Variants in ABR observed in about 807,000 individuals in gnomAD.
The protein encoded by ABR is ABR activator of RhoGEF and GTPase, also known as active breakpoint cluster region-related protein.
A neutral mutation model predicts 107.2 loss-of-function variants in ABR; 35 were observed. The ratio of observed to expected loss-of-function variants is 0.33; its 90% CI spans 0.25 to 0.43. The LOEUF is 0.43. ABR is among the 20% of genes least tolerant of loss of function. ABR has a pLI of 1.00. For synonymous variants in ABR, 498 were observed against 462.0 expected, an observed-to-expected ratio of 1.08 and a Z score of -1.00; for missense variants, 815 against 1,115.2, an observed-to-expected ratio of 0.73 and a Z score of 3.83.
At chr17:1,144,588 C>CG (rs752617426) in intron 1 of ABR, among the ~76,000 whole-genome samples, 1 of 140,926 alleles carries the variant, frequency 7.1e-6, no homozygotes, top group African/African-American at 2.6e-5. Flanking sequence ...GTCAATCAGG[C>CG]AAAAAAAAAA....
At chr17:1,012,981 G>A in intron 17 of ABR, 124 bp downstream of exon 17, 2 of 1,245,152 alleles carry the variant, frequency 1.6e-6, no homozygotes, top group Non-Finnish European at 2.3e-6. Flanking sequence ...GAGGGGGCTG[G>A]GCTGCGGGGA....
chr17:1,193,980 C>CA (rs1462970165), intron 1 of ABR, among the ~76,000 whole-genome samples: 43 of 152,192 alleles, frequency 2.8e-4, no homozygotes, highest in South Asian at 6.2e-4. Flanking sequence ...AGGCGTGAGC[C>CA]CCGCGCCTGG....
rs190121096 is a variant in ABR at position 1,004,940 on chromosome 17, G to A, written c.*1140C>T. On this transcript the variant is annotated 3_prime_UTR_variant, in exon 23 of 23. Coordinates refer to ENST00000302538, the MANE Select transcript of ABR (RefSeq NM_021962.5). ...AGGCAAGAGTACCACGAGGTCCTGC[G>A]GTGCCAGGGAGCTCCTGGCTGCAGC... 2.0e-5 allele frequency: 8 copies of A among 398,578 alleles called. No homozygotes were observed. The South Asian group carries it at 3.9e-4, about 20-fold the overall frequency. The allele number at this position is 398,578 out of a possible 1,614,324, so 24.7% of individuals were successfully genotyped here. A position where few individuals can be genotyped will look rare whatever the true frequency, so the allele number is the denominator to read the frequency against.
rs141037927 is a variant in ABR, at chr17:1,021,469, G to A, written c.1792-8305C>T. Among the ~76,000 whole-genome samples the A allele has an allele frequency of 3.3e-3, 505 of 152,344 alleles. 1 individual carries two copies. Among genetic ancestry groups the A allele is most frequent in the Non-Finnish European group, 5.3e-3 (362 of 68,034 alleles). ...TCTGAGCCCCGGCATCCCAGAATGC[G>A]GGAGGGTTTCCCTCAGAGGGGGTTG... is the stretch of plus-strand genomic sequence containing the variant. On this transcript the variant is annotated intron_variant, in intron 16 of 22. Coordinates refer to ENST00000302538, the MANE Select transcript of ABR (RefSeq NM_021962.5).
chr17:1,064,417 T>C (rs796291246), intron 10 of ABR, among the ~76,000 whole-genome samples: 28 of 69,566 alleles, frequency 4.0e-4, no homozygotes, highest in Admixed American at 4.8e-4. Flanking sequence ...ACTGTTGTTA[T>C]GTGAACTGAG....
intron 16 of ABR, among the ~76,000 whole-genome samples, chr17:1,032,658 G>GCGCAGAGGA (rs1441054545): frequency 3.3e-4 from 49 of 150,046 alleles, no homozygotes; most frequent in Non-Finnish European, 3.4e-4. Flanking sequence ...TCCGTGCTGG[G>GCGCAGAGGA]CGCCTTGAGA....
chr17:1,119,956 G>T (rs75330780), intron 2 of ABR, among the ~76,000 whole-genome samples: 3 of 152,148 alleles, frequency 2.0e-5, no homozygotes, highest in African/African-American at 7.2e-5. Context: ...ATTCGCAGGC[G>T]TGATCCTAGC....
intron 2 of ABR, among the ~76,000 whole-genome samples, chr17:1,109,346 C>T (rs865958384): frequency 1.3e-4 from 19 of 151,910 alleles, no homozygotes; most frequent in African/African-American, 3.6e-4. Flanking sequence ...CGCCGCACAG[C>T]AGCCCAGCGC....
chr17:1,202,973 G>A (rs997425856), intron 1 of ABR, among the ~76,000 whole-genome samples: 13 of 143,634 alleles, frequency 9.1e-5, no homozygotes, highest in African/African-American at 1.8e-4. Flanking sequence ...TACAACCTCC[G>A]CCTCCCGAGT....
chr17:1,012,686 A>C lies in ABR; in HGVS notation c.1961+2T>G. 6.4e-7 allele frequency: 1 copy of C among 1,570,782 alleles called. No individual in the cohort carries two copies. Among genetic ancestry groups the C allele is most frequent in the Non-Finnish European group, 8.6e-7 (1 of 1,156,310 alleles). On this transcript the variant is annotated splice_donor_variant, in intron 18 of 22. Coordinates refer to ENST00000302538, the MANE Select transcript of ABR (RefSeq NM_021962.5). LOFTEE classifies it high-confidence loss of function. ...GACTGGGAGACCCGAGGCAGCACCT[A>C]CTTCGTCACCACGCTGATCTTCACA...
chr17:1,219,492 T>C (rs1195944706), intron 1 of ABR, among the ~76,000 whole-genome samples: 4 of 150,634 alleles, frequency 2.7e-5, no homozygotes, highest in Admixed American at 2.0e-4. Context: ...GATGTGCATC[T>C]GGATTTATTT....
chr17:1,020,837 G>A (rs185213895), intron 16 of ABR, among the ~76,000 whole-genome samples: 2 of 152,228 alleles, frequency 1.3e-5, no homozygotes, highest in Admixed American at 1.3e-4. Flanking sequence ...CACCCCCTGG[G>A]GCAGGTGACC....
Position 1,079,375 on chromosome 17 carries a change from C to A in ABR, c.655G>T (p.Gly219Cys). The change falls in exon 6 of 23, where the codon GGT becomes TGT. Residue 219 changes from glycine to cysteine, a missense_variant. Physicochemically the swap from Gly to Cys is radical, Grantham distance 159 (BLOSUM62 -3). Coordinates refer to ENST00000302538, the MANE Select transcript of ABR (RefSeq NM_021962.5). ...TGGCTGTCCTTGGAGTCCTTGGGAC[C>A]TTTCACTTTGAGTTCCTGCCAAAGG... Reference protein sequence around the residue: ...QKISEELKVKGPKDSKDSHTS... With the variant: ...QKISEELKVKCPKDSKDSHTS... The A allele has an allele frequency of 6.2e-7, 1 of 1,613,516 alleles. No homozygotes were observed. The highest frequency in any genetic ancestry group is 8.5e-7 in the Non-Finnish European group (1 of 1,179,722).
intron 1 of ABR, among the ~76,000 whole-genome samples, chr17:1,214,406 A>G (rs570606121): frequency 5.9e-5 from 9 of 152,340 alleles, no homozygotes; most frequent in African/African-American, 2.2e-4. Context: ...AAATATTTAA[A>G]TTATTCCTTA....
At chr17:1,192,247 G>T (rs944826913), upstream of ABR, among the ~76,000 whole-genome samples, 1 of 152,084 alleles carries the variant, frequency 6.6e-6, no homozygotes, top group Non-Finnish European at 1.5e-5. Flanking sequence ...AAAGTGCTGG[G>T]ATTACAGGCA....
chr17:1,178,896 C>G (rs1324164848), intron 1 of ABR, among the ~76,000 whole-genome samples: 1 of 151,838 alleles, frequency 6.6e-6, no homozygotes, highest in African/African-American at 2.4e-5. Context: ...CCCAAGCCCC[C>G]CCACACCATT....
chr17:1,165,714 G>A (rs191153593), intron 1 of ABR, among the ~76,000 whole-genome samples: 2 of 152,062 alleles, frequency 1.3e-5, no homozygotes, highest in African/African-American at 2.4e-5. Context: ...GTATATTTTA[G>A]TAGAGACGGG....
chr17:1,063,637 GA>G (rs1279808974), intron 10 of ABR, among the ~76,000 whole-genome samples: 1 of 151,108 alleles, frequency 6.6e-6, no homozygotes, highest in Non-Finnish European at 1.5e-5. Context: ...TGTTCCTCTA[GA>G]CGCTGCTGTT....
intron 1 of ABR, among the ~76,000 whole-genome samples, chr17:1,205,226 A>G (rs2042767504): frequency 6.6e-6 from 1 of 152,114 alleles, no homozygotes; most frequent in Non-Finnish European, 1.5e-5. Context: ...AAGAGACTGT[A>G]ATGAGCTCTG....
Sources: allele counts gnomAD v4.1 joint callset (sites outside exome capture counted in the v4.1 genomes callset), GRCh38; gene constraint gnomAD v4.1.1; transcripts MANE v1.5; gene names NCBI Gene and HGNC (gene_info 2026-07-23, HGNC 2026-07-21).